Variants in USP49 observed in about 807,000 individuals in gnomAD.
The protein encoded by USP49 is ubiquitin specific peptidase 49.
In USP49, 24 loss-of-function variants were observed where a neutral mutation model predicts 58.6. That is an observed-to-expected ratio of 0.41 (90% CI 0.30 to 0.58). The LOEUF (loss-of-function observed/expected upper bound fraction) is 0.58, where lower values mean the gene tolerates loss of function less well. USP49 is among the 20% of genes least tolerant of loss of function. USP49 has a pLI of 0.30. For missense variants in USP49, 703 were observed against 866.1 expected (o/e 0.81, Z 2.36); for synonymous variants, 408 against 365.1 (o/e 1.12, Z -1.34).
At chr6:41,869,388 T>G (rs1438051158) in intron 3 of USP49, among the ~76,000 whole-genome samples, 1 of 151,668 alleles carries the variant, frequency 6.6e-6, no homozygotes, top group African/African-American at 2.4e-5. Context: ...ATAAAATAAT[T>G]ACTATGATCC....
At chr6:41,825,149 G>A (rs1392891543) in intron 3 of USP49, among the ~76,000 whole-genome samples, 2 of 152,054 alleles carry the variant, frequency 1.3e-5, no homozygotes, top group Admixed American at 6.5e-5. Context: ...TCAACCTCCT[G>A]GTGTGCCAGT....
At chr6:41,812,230 C>T (rs1171344390) in intron 3 of USP49, among the ~76,000 whole-genome samples, 1 of 151,906 alleles carries the variant, frequency 6.6e-6, no homozygotes, top group African/African-American at 2.4e-5. Context: ...TAGGCATGCG[C>T]CACCACGCCC....
At chr6:41,870,499 T>A (rs1052687377) in intron 3 of USP49, among the ~76,000 whole-genome samples, 3 of 152,178 alleles carry the variant, frequency 2.0e-5, no homozygotes, top group Non-Finnish European at 2.9e-5. Context: ...AAAACTTTTA[T>A]ATCTCATAAA....
At chr6:41,801,758 AC>A (rs1199901492) in intron 5 of USP49, among the ~76,000 whole-genome samples, 1 of 152,216 alleles carries the variant, frequency 6.6e-6, no homozygotes, top group African/African-American at 2.4e-5. Flanking sequence ...GGCCAGGAAG[AC>A]AGGTAGAAGA....
At chr6:41,881,652 A>G (rs1418673993) in intron 2 of USP49, among the ~76,000 whole-genome samples, 1 of 152,148 alleles carries the variant, frequency 6.6e-6, no homozygotes, top group Non-Finnish European at 1.5e-5. Context: ...TTTTGCTCAT[A>G]GATATTCAAA....
chr6:41,832,392 G>A (rs1416289288), intron 3 of USP49, among the ~76,000 whole-genome samples: 1 of 152,178 alleles, frequency 6.6e-6, no homozygotes, highest in Non-Finnish European at 1.5e-5. Context: ...ACATATGTAT[G>A]TACTGGCAAA....
At chr6:41,811,117 G>T (rs1193769740) in intron 3 of USP49, among the ~76,000 whole-genome samples, 2 of 152,064 alleles carry the variant, frequency 1.3e-5, no homozygotes, top group African/African-American at 4.8e-5. Flanking sequence ...GTTCCAGATG[G>T]CAGAGGCATG....
At chr6:41,843,155 G>A (rs1433301716) in intron 3 of USP49, among the ~76,000 whole-genome samples, 5 of 152,142 alleles carry the variant, frequency 3.3e-5, no homozygotes, top group Non-Finnish European at 7.3e-5. Flanking sequence ...GGCTACAGGC[G>A]TAGGCCACCA....
At chr6:41,802,407 T>TTTATTTTA (rs1313279388) in intron 5 of USP49, among the ~76,000 whole-genome samples, 2 of 76,100 alleles carry the variant, frequency 2.6e-5, no homozygotes, top group Admixed American at 1.7e-4. Flanking sequence ...TTTATTTTAT[T>TTTATTTTA]TTTTATTTTA....
intron 3 of USP49, among the ~76,000 whole-genome samples, chr6:41,839,000 T>C (rs764044431): frequency 1.3e-5 from 2 of 152,152 alleles, no homozygotes; most frequent in Non-Finnish European, 2.9e-5. Context: ...AAGATGGAAA[T>C]TTAAAAAATT....
At chr6:41,826,513 G>A (rs896319764) in intron 3 of USP49, among the ~76,000 whole-genome samples, 2 of 152,156 alleles carry the variant, frequency 1.3e-5, no homozygotes, top group East Asian at 1.9e-4. Context: ...GCTCCTTAAT[G>A]GGAAGGTGGG....
intron 3 of USP49, among the ~76,000 whole-genome samples, chr6:41,857,791 G>A (rs1044538708): frequency 1.4e-4 from 22 of 152,098 alleles, no homozygotes; most frequent in Non-Finnish European, 8.8e-5. Flanking sequence ...CCGGAATAAT[G>A]AGCCTGTTAT....
At chr6:41,882,147 G>C (rs750510783) in intron 2 of USP49, among the ~76,000 whole-genome samples, 3 of 152,052 alleles carry the variant, frequency 2.0e-5, no homozygotes, top group Non-Finnish European at 2.9e-5. Flanking sequence ...ACATGATATG[G>C]TACAGGATCT....
intron 7 of USP49, among the ~76,000 whole-genome samples, chr6:41,796,945 ATTTT>A (rs5875772): frequency 5.6e-5 from 6 of 107,744 alleles, no homozygotes; most frequent in South Asian, 3.0e-4. Flanking sequence ...ACTGACTGCA[ATTTT>A]TTTTTTTTTT....
intron 3 of USP49, among the ~76,000 whole-genome samples, chr6:41,831,837 C>T (rs1462057801): frequency 6.6e-6 from 1 of 152,142 alleles, no homozygotes; most frequent in Non-Finnish European, 1.5e-5. Flanking sequence ...CATATTATCT[C>T]CCACCCTTTC....
intron 3 of USP49, among the ~76,000 whole-genome samples, chr6:41,841,026 CA>C (rs368349451): frequency 6.8e-6 from 1 of 147,786 alleles, no homozygotes; most frequent in Non-Finnish European, 1.5e-5. Flanking sequence ...AAAAAAAAAA[CA>C]AAAAACAAAA....
intron 1 of USP49, among the ~76,000 whole-genome samples, chr6:41,892,604 A>C (rs1774827861): frequency 6.6e-6 from 1 of 152,236 alleles, no homozygotes; most frequent in African/African-American, 2.4e-5. Context: ...GAATGCAGAA[A>C]GAGTTTTCTA....
intron 3 of USP49, among the ~76,000 whole-genome samples, chr6:41,810,319 A>G (rs1326379662): frequency 7.2e-6 from 1 of 139,816 alleles, no homozygotes; most frequent in Non-Finnish European, 1.6e-5. Context: ...CGTCTCTACT[A>G]AAAAAAAAAA....
chr6:41,885,985 A>T (rs1774703792), intron 2 of USP49, among the ~76,000 whole-genome samples: 1 of 152,262 alleles, frequency 6.6e-6, no homozygotes, highest in Non-Finnish European at 1.5e-5. Context: ...AAGCTCTTCA[A>T]GTTATGTCAC....
Sources: gnomAD v4.1 joint callset for allele counts (sites outside exome capture counted in the v4.1 genomes callset) on GRCh38, gnomAD v4.1.1 for gene constraint, MANE v1.5 for transcripts, NCBI Gene and HGNC (gene_info 2026-07-23, HGNC 2026-07-21) for gene names.